CACNB4: variants seen among roughly 807,000 people sequenced by gnomAD.
CACNB4 encodes the protein voltage-dependent L-type calcium channel subunit beta-4.
In CACNB4, 32 loss-of-function variants were observed where a neutral mutation model predicts 71.2. The ratio of observed to expected loss-of-function variants is 0.45; its 90% CI spans 0.34 to 0.60. CACNB4 has a LOEUF of 0.60. CACNB4 is among the 20% of genes least tolerant of loss of function. The probability of loss-of-function intolerance (pLI) is 0.01; values close to 1 mark genes in which losing one functional copy is unlikely to be tolerated. For synonymous variants in CACNB4, 231 were observed against 236.9 expected (o/e 0.97, Z 0.23); for missense variants, 464 against 647.9 (o/e 0.72, Z 3.08).
At position 151,833,436 on chromosome 2, in the gene CACNB4, A is replaced by G. The variant is rs1175863121; in HGVS notation, c.*5683T>C. ...TGTGAAAAATACAAAAATCTCACAC[A>G]TGTCCAAAATTCAGAGGAGCCCTAT... On this transcript the variant is annotated 3_prime_UTR_variant, in exon 14 of 14. Transcript: ENST00000539935. 1 of 152,126 alleles carries G rather than the reference A, an allele frequency of 6.6e-6. No homozygotes were observed. The highest frequency in any genetic ancestry group is 2.4e-5 in the African/African-American group (1 of 41,458). 9.4% of individuals were successfully genotyped at this position (152,126 alleles called of 1,614,324 possible). A position where few individuals can be genotyped will look rare whatever the true frequency, so the allele number is the denominator to read the frequency against.
intron 2 of CACNB4, among the ~76,000 whole-genome samples, chr2:151,964,953 C>T (rs1057365552): frequency 6.6e-6 from 1 of 152,138 alleles, no homozygotes; most frequent in Non-Finnish European, 1.5e-5. Context: ...TGCTCCCTAC[C>T]TTATCAACTT....
intron 2 of CACNB4, among the ~76,000 whole-genome samples, chr2:151,956,011 T>G (rs150519366): frequency 6.6e-6 from 1 of 151,444 alleles, no homozygotes; most frequent in African/African-American, 2.4e-5. Flanking sequence ...AAGGAGGGAG[T>G]AATGTCCACA....
At chr2:151,877,048 C>T (rs2099846579) in intron 4 of CACNB4, among the ~76,000 whole-genome samples, 1 of 146,248 alleles carries the variant, frequency 6.8e-6, no homozygotes, top group Admixed American at 6.9e-5. Flanking sequence ...TCTATATATA[C>T]ACATAGATAG....
At chr2:151,910,150 T>A (rs1025674642) in intron 2 of CACNB4, among the ~76,000 whole-genome samples, 3 of 152,248 alleles carry the variant, frequency 2.0e-5, no homozygotes, top group Non-Finnish European at 4.4e-5. Flanking sequence ...TGTGTTTTTT[T>A]TCATATGTTT....
chr2:151,914,123 A>T (rs1479656105), intron 2 of CACNB4, among the ~76,000 whole-genome samples: 1 of 152,076 alleles, frequency 6.6e-6, no homozygotes, highest in Non-Finnish European at 1.5e-5. Context: ...ATCAATTGTA[A>T]GTTTGGTCTT....
chr2:152,082,261 A>C (rs1158873421), intron 2 of CACNB4, among the ~76,000 whole-genome samples: 3 of 152,228 alleles, frequency 2.0e-5, no homozygotes, highest in African/African-American at 7.2e-5. Flanking sequence ...TTCCTCCTGT[A>C]AACTCCACAT....
intron 2 of CACNB4, among the ~76,000 whole-genome samples, chr2:151,951,661 C>T (rs1210866662): frequency 1.3e-5 from 2 of 152,126 alleles, no homozygotes; most frequent in Non-Finnish European, 2.9e-5. Flanking sequence ...TCACAGAGGC[C>T]GGCCCACAGG....
chr2:152,094,921 G>A (rs1201367974), intron 2 of CACNB4, among the ~76,000 whole-genome samples: 1 of 152,220 alleles, frequency 6.6e-6, no homozygotes, highest in East Asian at 1.9e-4. Context: ...AGGTCTTGCT[G>A]TAAAACATCA....
intron 2 of CACNB4, among the ~76,000 whole-genome samples, chr2:151,981,094 A>C (rs1317953368): frequency 6.6e-6 from 1 of 152,044 alleles, no homozygotes; most frequent in African/African-American, 2.4e-5. Flanking sequence ...CTCAGACATT[A>C]GCCAGTCCTT....
At chr2:151,887,685 G>C (rs995429978) in intron 2 of CACNB4, among the ~76,000 whole-genome samples, 1 of 152,182 alleles carries the variant, frequency 6.6e-6, no homozygotes, top group Admixed American at 6.5e-5. Flanking sequence ...ACTGTCACCA[G>C]TTCTAGTTGG....
intron 2 of CACNB4, among the ~76,000 whole-genome samples, chr2:152,093,904 C>G (rs1688122152): frequency 6.6e-6 from 1 of 152,172 alleles, no homozygotes; most frequent in Non-Finnish European, 1.5e-5. Context: ...CCCCACTAAA[C>G]AAAGCATTTA....
At chr2:151,853,786 A>G (rs1421450303) in intron 11 of CACNB4, 6 of 344,904 alleles carry the variant, frequency 1.7e-5, no homozygotes, top group Non-Finnish European at 3.1e-5. Context: ...CTGAGTTCCC[A>G]TCCTAGATTT....
chr2:152,024,194 G>A (rs116034639), intron 2 of CACNB4, among the ~76,000 whole-genome samples: 2,690 of 152,254 alleles, frequency 0.018, 85 homozygotes, highest in African/African-American at 0.06. Flanking sequence ...ATGGTGTCAC[G>A]TGCCTGTAGT....
At chr2:152,043,982 G>A (rs1291647395) in intron 2 of CACNB4, among the ~76,000 whole-genome samples, 1 of 152,078 alleles carries the variant, frequency 6.6e-6, no homozygotes, top group South Asian at 2.1e-4. Context: ...AAGGTGAGAG[G>A]ATCACTTGGG....
intron 2 of CACNB4, among the ~76,000 whole-genome samples, chr2:152,083,633 T>C (rs1238159375): frequency 6.6e-6 from 1 of 152,212 alleles, no homozygotes; most frequent in African/African-American, 2.4e-5. Flanking sequence ...ATATCTGAAG[T>C]ATAAAGTTTG....
intron 2 of CACNB4, among the ~76,000 whole-genome samples, chr2:152,055,772 TA>T (rs535162563): frequency 5.3e-4 from 81 of 152,284 alleles, no homozygotes; most frequent in African/African-American, 1.8e-3. Context: ...CCAAGACAAA[TA>T]ACTTTTTTCG....
At chr2:151,905,428 G>A (rs114227520) in intron 2 of CACNB4, among the ~76,000 whole-genome samples, 97 of 152,290 alleles carry the variant, frequency 6.4e-4, no homozygotes, top group African/African-American at 2.2e-3. Flanking sequence ...TGCAGCAGAA[G>A]ACAACGATTC....
intron 2 of CACNB4, chr2:151,970,596 A>G (rs1409558325): frequency 6.6e-6 from 1 of 152,250 alleles, no homozygotes; most frequent in East Asian, 1.9e-4. Context: ...TCAGTCCATG[A>G]AAAAAATCTT....
At chr2:151,966,710 G>A (rs773209550) in intron 2 of CACNB4, among the ~76,000 whole-genome samples, 19 of 152,222 alleles carry the variant, frequency 1.2e-4, no homozygotes, top group Non-Finnish European at 2.4e-4. Context: ...GGAAATCACT[G>A]TCAAAAACCA....
Sources: allele counts gnomAD v4.1 joint callset (sites outside exome capture counted in the v4.1 genomes callset), GRCh38; gene constraint gnomAD v4.1.1; transcripts MANE v1.5; gene names NCBI Gene and HGNC (gene_info 2026-07-23, HGNC 2026-07-21).